Variants in C8orf34 observed in about 807,000 individuals in gnomAD.
C8orf34 encodes the protein uncharacterized protein C8orf34.
C8orf34 carries 65 observed loss-of-function variants against 68.3 expected under a neutral mutation model. That is an observed-to-expected ratio of 0.95 (90% CI 0.78 to 1.17). C8orf34 has a LOEUF of 1.17. C8orf34 is among the 50% of genes most tolerant of loss of function. The pLI, the probability that C8orf34 is intolerant of heterozygous loss-of-function variation, is 0.00. For synonymous variants in C8orf34, 244 were observed against 241.2 expected, an observed-to-expected ratio of 1.01 and a Z score of -0.11; for missense variants, 664 against 655.4, an observed-to-expected ratio of 1.01 and a Z score of -0.14.
intron 5 of C8orf34, among the ~76,000 whole-genome samples, chr8:68,511,839 C>G (rs554827170): frequency 6.6e-6 from 1 of 152,258 alleles, no homozygotes; most frequent in Non-Finnish European, 1.5e-5. Flanking sequence ...GTAAATAGTT[C>G]AAAATAAGCT....
chr8:68,730,314 G>T (rs1208399855), intron 10 of C8orf34, among the ~76,000 whole-genome samples: 2 of 152,014 alleles, frequency 1.3e-5, no homozygotes, highest in African/African-American at 4.8e-5. Flanking sequence ...AGTCCTAAAG[G>T]TTTTTGCTAT....
chr8:68,665,020 C>T (rs1396082189), intron 8 of C8orf34, among the ~76,000 whole-genome samples: 1 of 152,184 alleles, frequency 6.6e-6, no homozygotes, highest in Non-Finnish European at 1.5e-5. Flanking sequence ...CTACATGATA[C>T]TCAAGAAACA....
intron 7 of C8orf34, among the ~76,000 whole-genome samples, chr8:68,607,066 G>A (rs1371276332): frequency 1.3e-5 from 2 of 152,018 alleles, no homozygotes; most frequent in African/African-American, 4.8e-5. Context: ...ACTCCCATCT[G>A]TGTTTCTTAT....
intron 12 of C8orf34, among the ~76,000 whole-genome samples, chr8:68,813,815 C>T (rs1441480584): frequency 6.6e-6 from 1 of 152,196 alleles, no homozygotes; most frequent in Non-Finnish European, 1.5e-5. Context: ...CTGTTTTCCT[C>T]TCTACCGCAA....
intron 6 of C8orf34, among the ~76,000 whole-genome samples, chr8:68,525,269 T>C (rs1228705867): frequency 6.6e-6 from 1 of 152,188 alleles, no homozygotes; most frequent in Non-Finnish European, 1.5e-5. Context: ...TGATGGAATA[T>C]AAATCAAATT....
intron 3 of C8orf34, among the ~76,000 whole-genome samples, chr8:68,466,348 G>A (rs1169723224): frequency 6.6e-6 from 1 of 151,984 alleles, no homozygotes; most frequent in Non-Finnish European, 1.5e-5. Flanking sequence ...TAACACGAGT[G>A]TACTGTACTC....
chr8:68,603,738 T>C (rs1817774571), intron 7 of C8orf34, among the ~76,000 whole-genome samples: 1 of 151,898 alleles, frequency 6.6e-6, no homozygotes, highest in Non-Finnish European at 1.5e-5. Flanking sequence ...GGGATATGAG[T>C]ATAGGTATTG....
chr8:68,531,001 C>T (rs1815220780), intron 6 of C8orf34, among the ~76,000 whole-genome samples: 1 of 152,018 alleles, frequency 6.6e-6, no homozygotes, highest in South Asian at 2.1e-4. Context: ...CTGTATTCAC[C>T]AATGAACATT....
At chr8:68,813,917 C>T (rs1462534552) in intron 12 of C8orf34, among the ~76,000 whole-genome samples, 1 of 152,138 alleles carries the variant, frequency 6.6e-6, no homozygotes, top group Non-Finnish European at 1.5e-5. Flanking sequence ...TAGTTATTCT[C>T]ATAGGCTGTA....
At chr8:68,465,918 T>A (rs1586197741) in intron 3 of C8orf34, among the ~76,000 whole-genome samples, 1 of 151,540 alleles carries the variant, frequency 6.6e-6, no homozygotes, top group African/African-American at 2.4e-5. Flanking sequence ...GACCTGCACA[T>A]TGTGCACATG....
intron 1 of C8orf34, among the ~76,000 whole-genome samples, chr8:68,386,500 A>G (rs1421540475): frequency 2.0e-5 from 3 of 152,176 alleles, no homozygotes. Context: ...GCTAGAATCT[A>G]TAGGTGGAAA....
chr8:68,527,617 G>A (rs1815066922), intron 6 of C8orf34, among the ~76,000 whole-genome samples: 1 of 152,110 alleles, frequency 6.6e-6, no homozygotes, highest in African/African-American at 2.4e-5. Flanking sequence ...AAGTCCCAGA[G>A]TGGCTACATC....
chr8:68,639,784 T>G (rs1232857881), intron 7 of C8orf34, among the ~76,000 whole-genome samples: 3 of 152,246 alleles, frequency 2.0e-5, no homozygotes, highest in Non-Finnish European at 4.4e-5. Flanking sequence ...CAGTAAACCT[T>G]TGGAGCATGA....
intron 1 of C8orf34, among the ~76,000 whole-genome samples, chr8:68,419,443 A>G (rs1247581414): frequency 1.3e-5 from 2 of 151,022 alleles, no homozygotes; most frequent in East Asian, 1.9e-4. Context: ...ATCTAGAACT[A>G]GAAATACCAT....
chr8:68,765,596 G>A (rs1264726876), intron 10 of C8orf34, among the ~76,000 whole-genome samples: 2 of 152,102 alleles, frequency 1.3e-5, no homozygotes, highest in Non-Finnish European at 2.9e-5. Flanking sequence ...TATATTTGGA[G>A]GTCACTTCTT....
At chr8:68,607,820 A>G (rs969666631) in intron 7 of C8orf34, among the ~76,000 whole-genome samples, 2 of 152,148 alleles carry the variant, frequency 1.3e-5, no homozygotes, top group Admixed American at 6.6e-5. Context: ...GTCATTTAGA[A>G]GGTAGCATAT....
intron 7 of C8orf34, among the ~76,000 whole-genome samples, chr8:68,549,491 A>C (rs59909432): frequency 0.18 from 27,127 of 151,636 alleles, 2,953 homozygotes; most frequent in African/African-American, 0.31. Flanking sequence ...AATATTTTAT[A>C]TTGATACATA....
At chr8:68,783,031 C>T (rs553844839) in intron 11 of C8orf34, among the ~76,000 whole-genome samples, 11 of 146,828 alleles carry the variant, frequency 7.5e-5, no homozygotes, top group Non-Finnish European at 1.2e-4. Flanking sequence ...ATGTTTGTGT[C>T]ACTGCACTCC....
intron 1 of C8orf34, among the ~76,000 whole-genome samples, chr8:68,398,614 A>G (rs1017876460): frequency 6.6e-6 from 1 of 152,168 alleles, no homozygotes; most frequent in African/African-American, 2.4e-5. Context: ...TAAGTATATC[A>G]AAGTATTATG....
Sources: allele counts gnomAD v4.1 joint callset (sites outside exome capture counted in the v4.1 genomes callset), GRCh38; gene constraint gnomAD v4.1.1; transcripts MANE v1.5; gene names NCBI Gene and HGNC (gene_info 2026-07-23, HGNC 2026-07-21).